The following PTPRG variants were observed in gnomAD, a reference collection of about 807,000 sequenced individuals.
PTPRG encodes protein tyrosine phosphatase receptor type G.
Under a neutral mutation model 165.3 loss-of-function variants are expected in PTPRG, and 102 were observed. That is an observed-to-expected ratio of 0.62 (90% confidence interval 0.53 to 0.73). The LOEUF (loss-of-function observed/expected upper bound fraction) is 0.73. Among genes scored for constraint, PTPRG ranks in the 30% least tolerant of loss-of-function variants. The pLI is 0.00. For synonymous variants in PTPRG, 675 were observed against 669.5 expected, an observed-to-expected ratio of 1.01 and a Z score of -0.13; for missense variants, 1,866 against 1,861.4, an observed-to-expected ratio of 1.00 and a Z score of -0.05.
At position 62,233,352 on chromosome 3, in the gene PTPRG, C is replaced by G. The variant is rs968984248; in HGVS notation, c.2375+2041C>G. 6.6e-6 allele frequency among the ~76,000 whole-genome samples: 1 copy of G among 152,170 alleles called. No individual in the cohort carries two copies. Among genetic ancestry groups the G allele is most frequent in the African/African-American group, 2.4e-5 (1 of 41,452 alleles). ...CTCATTCTGGCCCACTGTCCCCTCTCCTTCCCCATGCTCTCTCCCCAGGCA... is the reference window on the plus strand; with the variant it reads ...CTCATTCTGGCCCACTGTCCCCTCTGCTTCCCCATGCTCTCTCCCCAGGCA... On this transcript the variant is annotated intron_variant, in intron 14 of 29. Coordinates refer to ENST00000474889, the MANE Select transcript of PTPRG (RefSeq NM_002841.4). This position sits in a 1 kb window ranked among gnomAD's most constrained non-coding sequence, Gnocchi z 4.7.
chr3:61,732,229 T>C (rs1264482614), intron 1 of PTPRG, among the ~76,000 whole-genome samples: 1 of 152,188 alleles, frequency 6.6e-6, no homozygotes, highest in African/African-American at 2.4e-5. Flanking sequence ...AATCAGAATT[T>C]TAAAAATGTT....
chr3:62,025,701 C>T (rs1435512599), intron 4 of PTPRG, among the ~76,000 whole-genome samples: 6 of 151,974 alleles, frequency 3.9e-5, no homozygotes, highest in Non-Finnish European at 8.8e-5. Flanking sequence ...CTTTTATGAA[C>T]TAATGTAAAA....
At chr3:61,853,333 G>A (rs1159149665) in intron 2 of PTPRG, among the ~76,000 whole-genome samples, 1 of 152,162 alleles carries the variant, frequency 6.6e-6, no homozygotes, top group Non-Finnish European at 1.5e-5. Flanking sequence ...CGATGGCAGA[G>A]GTGACACTGT....
intron 2 of PTPRG, among the ~76,000 whole-genome samples, chr3:61,981,357 G>A (rs1419945701): frequency 6.6e-6 from 1 of 152,214 alleles, no homozygotes; most frequent in African/African-American, 2.4e-5. Context: ...AAATCTTCCA[G>A]GCGCTAACTG....
rs776777876 is a variant in PTPRG at position 62,262,831 on chromosome 3, A to G, written c.2593A>G (p.Thr865Ala). 1 of 1,613,890 alleles carries G rather than the reference A, an allele frequency of 6.2e-7. No individual in the cohort carries two copies. Among genetic ancestry groups the G allele is most frequent in the Non-Finnish European group, 8.5e-7 (1 of 1,179,828 alleles). The change falls in exon 17 of 30, where the codon ACT becomes GCT. Residue 865 changes from threonine to alanine, a missense_variant. This residue lies in a region of PTPRG where 1,452 missense variants were observed against 1,463.0 expected (regional missense o/e 0.99). Coordinates refer to ENST00000474889, the MANE Select transcript of PTPRG (RefSeq NM_002841.4). ...GCGCTGTACTGCTGATATGAACATC[A>G]CTGCAGAGCATTCCAATCATCCAGA... ...VQRCTADMNI[T>A]AEHSNHPENK...
chr3:62,067,856 A>T (rs1701069973), intron 4 of PTPRG, among the ~76,000 whole-genome samples: 1 of 152,200 alleles, frequency 6.6e-6, no homozygotes, highest in Non-Finnish European at 1.5e-5. Context: ...TCACCCCCTC[A>T]AAGAGTGACA....
At chr3:61,652,399 T>C (rs1702378509) in intron 1 of PTPRG, among the ~76,000 whole-genome samples, 1 of 152,226 alleles carries the variant, frequency 6.6e-6, no homozygotes, top group Admixed American at 6.5e-5. Context: ...TTGACAGGGC[T>C]GATCTTCAAG....
intron 4 of PTPRG, among the ~76,000 whole-genome samples, chr3:62,065,486 C>T (rs1266622539): frequency 1.3e-5 from 2 of 152,208 alleles, no homozygotes; most frequent in Non-Finnish European, 2.9e-5. Context: ...AGGGGGCTTG[C>T]AGCCCTGCTG....
At chr3:61,584,873 C>T (rs1700395481) in intron 1 of PTPRG, among the ~76,000 whole-genome samples, 1 of 152,210 alleles carries the variant, frequency 6.6e-6, no homozygotes, top group Admixed American at 6.5e-5. Flanking sequence ...TGACTTGGTA[C>T]ATGTTGGAGT....
At chr3:62,133,309 G>C (rs1703585256) in intron 6 of PTPRG, among the ~76,000 whole-genome samples, 1 of 152,226 alleles carries the variant, frequency 6.6e-6, no homozygotes, top group South Asian at 2.1e-4. Flanking sequence ...CCTTGTCGCA[G>C]TGAGGTGTGT....
At chr3:62,286,633 T>C (rs1447590259) in intron 28 of PTPRG, among the ~76,000 whole-genome samples, 1 of 151,906 alleles carries the variant, frequency 6.6e-6, no homozygotes, top group Non-Finnish European at 1.5e-5. Context: ...TTGAAGTAAA[T>C]AAAGGCAGGG....
At chr3:62,019,700 T>C (rs1311949812) in intron 4 of PTPRG, among the ~76,000 whole-genome samples, 1 of 149,732 alleles carries the variant, frequency 6.7e-6, no homozygotes, top group Non-Finnish European at 1.5e-5. Context: ...ATGTGTTAAT[T>C]AGCTTGATTG....
At position 62,273,227 on chromosome 3, in the gene PTPRG, C is replaced by A; in HGVS notation, c.3318+146C>A. ...ATTAGAAGATATTCTGACAATGATC[C>A]TATTCTACGGATCACAGTTTTCCAT... On this transcript the variant is annotated intron_variant, in intron 22 of 29. Transcript: ENST00000474889. This position sits in a 1 kb window ranked among gnomAD's most constrained non-coding sequence, Gnocchi z 4.1. 1.0e-6 allele frequency: 1 copy of A among 958,160 alleles called. No individual in the cohort carries two copies. The highest frequency in any genetic ancestry group is 1.5e-6 in the Non-Finnish European group (1 of 673,374). 59.4% of individuals were successfully genotyped at this position (958,160 alleles called of 1,614,324 possible). A position where few individuals can be genotyped will look rare whatever the true frequency, so the allele number is the denominator to read the frequency against.
Position 61,562,259 on chromosome 3 carries a change from T to G in PTPRG, c.-29T>G. ...TTATTCAACAAGTTTACCTCCCTGC[T>G]TTCCTCTTTTCGATGTGCGTTTTCG... is the stretch of plus-strand genomic sequence containing the variant. On this transcript the variant is annotated 5_prime_UTR_variant, in exon 1 of 30. Transcript: ENST00000474889. 1 of 1,603,946 alleles carries G rather than the reference T, an allele frequency of 6.2e-7. No homozygotes were observed.
chr3:61,770,011 G>T (rs1575649739), intron 2 of PTPRG: 4 of 152,162 alleles, frequency 2.6e-5, no homozygotes. Context: ...GGTAAAGGTG[G>T]CTGTGATTTT....
At chr3:62,105,392 A>G (rs1487647925) in intron 5 of PTPRG, among the ~76,000 whole-genome samples, 5 of 152,348 alleles carry the variant, frequency 3.3e-5, no homozygotes, top group African/African-American at 1.2e-4. Context: ...AGAAAATTCA[A>G]GATTGGTATT....
At position 61,737,906 on chromosome 3, in the gene PTPRG, G is replaced by GT. The variant is rs754252949; in HGVS notation, c.86-10965dup. Among the ~76,000 whole-genome samples, 23 of 53,308 alleles carry GT rather than the reference G, an allele frequency of 4.3e-4. No homozygotes were observed. In the East Asian group the frequency reaches 5.8e-3, roughly 13 times the overall value. The allele number at this position is 53,308 out of a possible 152,430, so 35.0% of individuals were successfully genotyped here. A position where few individuals can be genotyped will look rare whatever the true frequency, so the allele number is the denominator to read the frequency against. On this transcript the variant is annotated intron_variant, in intron 1 of 29. Transcript: ENST00000474889. ...TGCTAGAGGTTGTGGATATGCTGAG[G>GT]TTTTTTTGTTTTTTTTTTTTAAGAC...
intron 1 of PTPRG, among the ~76,000 whole-genome samples, chr3:61,706,491 ATTTT>A (rs386355972): frequency 7.3e-6 from 1 of 137,692 alleles, no homozygotes. Flanking sequence ...TGTGCAAGTA[ATTTT>A]TTTTTTTTTT....
intron 1 of PTPRG, among the ~76,000 whole-genome samples, chr3:61,579,507 GACAC>G (rs1651835164): frequency 1.3e-5 from 2 of 152,226 alleles, no homozygotes; most frequent in Non-Finnish European, 2.9e-5. Context: ...TTAGGGGCTG[GACAC>G]ACTTTATCTG....
Sources: gnomAD v4.1 joint callset for allele counts (sites outside exome capture counted in the v4.1 genomes callset) on GRCh38, gnomAD v4.1.1 for gene constraint, gnomAD v4.1.1 regional missense constraint, Gnocchi (gnomAD v3.1) non-coding constraint, MANE v1.5 for transcripts, NCBI Gene and HGNC (gene_info 2026-07-23, HGNC 2026-07-21) for gene names.